The following GAS2 variants were observed in gnomAD, a reference collection of about 807,000 sequenced individuals.
The protein encoded by GAS2 is growth arrest-specific protein 2.
GAS2 carries 20 observed loss-of-function variants against 37.5 expected under a neutral mutation model. The ratio of observed to expected loss-of-function variants is 0.53; its 90% confidence interval spans 0.37 to 0.77. The LOEUF is 0.77. GAS2 is among the 30% of genes least tolerant of loss of function. The pLI, the probability that GAS2 is intolerant of heterozygous loss-of-function variation, is 0.00. For missense variants in GAS2, 336 were observed against 373.4 expected (o/e 0.90, Z 0.82); for synonymous variants, 144 against 132.2 (o/e 1.09, Z -0.61).
At chr11:22,699,574 G>A (rs924008265) in intron 3 of GAS2, among the ~76,000 whole-genome samples, 16 of 152,112 alleles carry the variant, frequency 1.1e-4, no homozygotes, top group African/African-American at 3.9e-4. Context: ...CACTGTTAGG[G>A]TGAATAATTT....
intron 1 of GAS2, among the ~76,000 whole-genome samples, chr11:22,656,732 G>A (rs1453241744): frequency 6.6e-6 from 1 of 152,144 alleles, no homozygotes; most frequent in Non-Finnish European, 1.5e-5. Context: ...ATATTACAGT[G>A]CACATCACAC....
At chr11:22,658,295 T>A (rs1181927372) in intron 1 of GAS2, among the ~76,000 whole-genome samples, 1 of 152,132 alleles carries the variant, frequency 6.6e-6, no homozygotes, top group Admixed American at 6.5e-5. Context: ...TCCCAAAGTG[T>A]TGGGATTACA....
intron 3 of GAS2, among the ~76,000 whole-genome samples, chr11:22,718,168 C>T (rs908173375): frequency 5.9e-5 from 9 of 151,990 alleles, no homozygotes; most frequent in Admixed American, 2.0e-4. Flanking sequence ...CACTTACACA[C>T]GCATGTTTAT....
chr11:22,677,730 G>A (rs1849493753), intron 2 of GAS2, among the ~76,000 whole-genome samples: 1 of 152,152 alleles, frequency 6.6e-6, no homozygotes, highest in African/African-American at 2.4e-5. Flanking sequence ...GGCGTCAGGA[G>A]ACCTGGCCTC....
intron 3 of GAS2, among the ~76,000 whole-genome samples, chr11:22,700,120 G>T (rs1206324979): frequency 1.3e-5 from 2 of 152,186 alleles, no homozygotes; most frequent in East Asian, 3.9e-4. Flanking sequence ...GTACTTAGTT[G>T]TTTCCTAGTC....
chr11:22,717,080 A>G (rs1289076310), intron 3 of GAS2, among the ~76,000 whole-genome samples: 2 of 152,160 alleles, frequency 1.3e-5, no homozygotes, highest in Admixed American at 6.6e-5. Flanking sequence ...TCCAAAAGCA[A>G]TCTACAAATT....
intron 1 of GAS2, among the ~76,000 whole-genome samples, chr11:22,656,786 ATGTGTG>A (rs148171455): frequency 4.7e-5 from 7 of 150,474 alleles, no homozygotes; most frequent in African/African-American, 1.7e-4. Context: ...GTTTGTCATG[ATGTGTG>A]TGTGTGTGTG....
chr11:22,703,561 G>T (rs1850952255), intron 3 of GAS2, among the ~76,000 whole-genome samples: 1 of 152,132 alleles, frequency 6.6e-6, no homozygotes, highest in South Asian at 2.1e-4. Context: ...GCTGAAATTT[G>T]GGGGAAAGAG....
intron 4 of GAS2, among the ~76,000 whole-genome samples, chr11:22,730,281 G>A (rs1024375556): frequency 8.6e-5 from 13 of 151,710 alleles, no homozygotes; most frequent in African/African-American, 3.1e-4. Flanking sequence ...AAGAATTATG[G>A]CATGTAATCT....
chr11:22,716,776 C>A (rs1357883517), intron 3 of GAS2, among the ~76,000 whole-genome samples: 1 of 152,068 alleles, frequency 6.6e-6, no homozygotes, highest in African/African-American at 2.4e-5. Flanking sequence ...ACTCCTAGAT[C>A]TGATTAATGA....
intron 1 of GAS2, among the ~76,000 whole-genome samples, chr11:22,653,175 T>G (rs1164960822): frequency 6.6e-6 from 1 of 151,640 alleles, no homozygotes; most frequent in Non-Finnish European, 1.5e-5. Context: ...TCCCCTTACG[T>G]ACACTCATTT....
At chr11:22,751,414 G>A (rs765688950) in intron 6 of GAS2, among the ~76,000 whole-genome samples, 1 of 151,912 alleles carries the variant, frequency 6.6e-6, no homozygotes, top group Non-Finnish European at 1.5e-5. Context: ...ATTTAATGAA[G>A]CATTTACCTT....
intron 1 of GAS2, among the ~76,000 whole-genome samples, chr11:22,630,828 G>GT (rs1042654068): frequency 1.3e-5 from 2 of 151,824 alleles, no homozygotes; most frequent in African/African-American, 4.8e-5. Context: ...TGCTTTGGCT[G>GT]TTTTTTTGGT....
chr11:22,729,012 T>C (rs1852347957), intron 4 of GAS2, among the ~76,000 whole-genome samples: 1 of 151,454 alleles, frequency 6.6e-6, no homozygotes, highest in Non-Finnish European at 1.5e-5. Context: ...ACTTCACTTT[T>C]GAAAGGAAAT....
chr11:22,649,026 C>G (rs1211265103), intron 1 of GAS2, among the ~76,000 whole-genome samples: 4 of 152,122 alleles, frequency 2.6e-5, no homozygotes, highest in African/African-American at 7.2e-5. Flanking sequence ...CAGTTTTTGC[C>G]CATTCAGTAT....
chr11:22,789,333 AACAC>A (rs1157753522), intron 7 of GAS2, among the ~76,000 whole-genome samples: 2 of 87,686 alleles, frequency 2.3e-5, no homozygotes, highest in East Asian at 3.3e-4. Context: ...CACACACACA[AACAC>A]ACACACACAC....
chr11:22,716,044 A>G (rs1851664362), intron 3 of GAS2, among the ~76,000 whole-genome samples: 1 of 152,170 alleles, frequency 6.6e-6, no homozygotes, highest in Non-Finnish European at 1.5e-5. Flanking sequence ...GGTTTAAGAA[A>G]TCAATAAATG....
Position 22,812,197 on chromosome 11 carries a change from C to T in GAS2, c.*181C>T, listed in dbSNP as rs1352896875. The T allele has an allele frequency of 1.8e-6, 1 of 543,504 alleles. No homozygotes were observed. Among genetic ancestry groups the T allele is most frequent in the East Asian group, 3.0e-5 (1 of 33,476 alleles). 33.7% of individuals were successfully genotyped at this position (543,504 alleles called of 1,614,324 possible). ...TTTTTAATGCTTCTGTAGAATATGA[C>T]CTATTAAAAGAAAATCTAAACTCAA... On this transcript the variant is annotated 3_prime_UTR_variant, in exon 8 of 8. Transcript: ENST00000454584.
At chr11:22,791,992 A>C (rs755546138) in intron 7 of GAS2, among the ~76,000 whole-genome samples, 1 of 152,242 alleles carries the variant, frequency 6.6e-6, no homozygotes, top group Non-Finnish European at 1.5e-5. Flanking sequence ...CAGAAAACTC[A>C]TAGTTTCTCA....
Sources: gnomAD v4.1 joint callset for allele counts (sites outside exome capture counted in the v4.1 genomes callset) on GRCh38, gnomAD v4.1.1 for gene constraint, MANE v1.5 for transcripts, NCBI Gene and HGNC (gene_info 2026-07-23, HGNC 2026-07-21) for gene names.